The following DNAJC3 variants were observed in gnomAD, a reference collection of about 807,000 sequenced individuals.
DNAJC3 encodes DnaJ heat shock protein family (Hsp40) member C3, also known as dnaJ homolog subfamily C member 3.
A neutral mutation model predicts 68.6 loss-of-function variants in DNAJC3; 38 were observed. The ratio of observed to expected loss-of-function variants is 0.55; its 90% CI spans 0.43 to 0.73. DNAJC3 has a LOEUF of 0.73. DNAJC3 is among the 30% of genes least tolerant of loss of function. The pLI is 0.00. For missense variants in DNAJC3, 526 were observed against 591.9 expected, an observed-to-expected ratio of 0.89 and a Z score of 1.16; for synonymous variants, 203 against 204.0, an observed-to-expected ratio of 1.00 and a Z score of 0.04.
intron 4 of DNAJC3, among the ~76,000 whole-genome samples, chr13:95,732,564 GT>G (rs56678842): frequency 0.6 from 91,277 of 151,660 alleles, 28,595 homozygotes; most frequent in African/African-American, 0.79. Context: ...GCCTTTTCTC[GT>G]TTTTTTCTTG....
chr13:95,697,638 A>C (rs1481552514), intron 1 of DNAJC3, among the ~76,000 whole-genome samples: 1 of 151,850 alleles, frequency 6.6e-6, no homozygotes. Flanking sequence ...CTTTTCCTTC[A>C]CAATGCCTGT....
chr13:95,696,418 T>A (rs1027681649), intron 1 of DNAJC3, among the ~76,000 whole-genome samples: 6 of 152,216 alleles, frequency 3.9e-5, no homozygotes, highest in Admixed American at 3.9e-4. Context: ...AAACTAAGAT[T>A]GCCCACACAT....
At chr13:95,717,969 GT>G (rs1233929297) in intron 2 of DNAJC3, among the ~76,000 whole-genome samples, 3 of 152,236 alleles carry the variant, frequency 2.0e-5, no homozygotes, top group Admixed American at 1.3e-4. Context: ...TTTCTGATGT[GT>G]TTTCTCCAGA....
At chr13:95,754,543 T>TA (rs201728540) in intron 4 of DNAJC3, among the ~76,000 whole-genome samples, 72 of 147,718 alleles carry the variant, frequency 4.9e-4, no homozygotes, top group African/African-American at 6.4e-4. Context: ...GATTTAAATG[T>TA]AAAAAAAAAA....
At chr13:95,707,932 G>A (rs1460357530) in intron 1 of DNAJC3, among the ~76,000 whole-genome samples, 2 of 152,168 alleles carry the variant, frequency 1.3e-5, no homozygotes, top group African/African-American at 4.8e-5. Context: ...TTCATGTATA[G>A]GTGAGCGAAG....
At chr13:95,700,716 T>A (rs191139910) in intron 1 of DNAJC3, among the ~76,000 whole-genome samples, 2 of 152,336 alleles carry the variant, frequency 1.3e-5, no homozygotes, top group African/African-American at 4.8e-5. Flanking sequence ...GGACTCCTGC[T>A]TTTTCTGTAC....
At position 95,727,540 on chromosome 13, in the gene DNAJC3, G is replaced by A. The variant is rs79678838; in HGVS notation, c.393+2288G>A. Among the ~76,000 whole-genome samples, 175 of 152,158 alleles carry A rather than the reference G, an allele frequency of 1.2e-3. 3 individuals are homozygous for A. In the East Asian group the frequency reaches 0.028, roughly 25 times the overall value. The stretch of plus-strand genomic sequence containing the variant: ...CTTTAATAATCTTTTAGTTTTAATT[G>A]AACTTTTTACTGAGATAATTGTAGA... On this transcript the variant is annotated intron_variant, in intron 4 of 11. Transcript: ENST00000602402.
chr13:95,691,046 G>T (rs1389138479), intron 1 of DNAJC3, among the ~76,000 whole-genome samples: 3 of 143,062 alleles, frequency 2.1e-5, no homozygotes, highest in African/African-American at 7.9e-5. Context: ...CCTGGATGGA[G>T]CGGCTGGCCG....
In DNAJC3 at chr13:95,701,090, T is replaced by A. The variant is rs1410840577; in HGVS notation, c.83-8137T>A. Among the ~76,000 whole-genome samples, 5 of 152,194 alleles carry A rather than the reference T, an allele frequency of 3.3e-5. No homozygotes were observed. The East Asian group carries it at 9.6e-4, about 29-fold the overall frequency. On this transcript the variant is annotated intron_variant, in intron 1 of 11. Coordinates refer to ENST00000602402, the MANE Select transcript of DNAJC3 (RefSeq NM_006260.5). The stretch of plus-strand genomic sequence containing the variant: ...TCGACAAAGGTAGCATCCTTCCTAC[T>A]TTTCCTTCAGGTTTCAGGTGAGCCT...
chr13:95,753,594 C>T (rs1882555636), intron 4 of DNAJC3, among the ~76,000 whole-genome samples: 1 of 152,002 alleles, frequency 6.6e-6, no homozygotes, highest in Non-Finnish European at 1.5e-5. Flanking sequence ...ATATTTTATG[C>T]CAAAGTCTAA....
intron 1 of DNAJC3, among the ~76,000 whole-genome samples, chr13:95,697,905 A>G (rs1249334363): frequency 6.6e-6 from 1 of 150,676 alleles, no homozygotes; most frequent in South Asian, 2.1e-4. Context: ...GCTTCTTTAC[A>G]ATTCCCACTT....
chr13:95,772,359 G>A (rs575031244), intron 9 of DNAJC3, among the ~76,000 whole-genome samples: 26 of 152,138 alleles, frequency 1.7e-4, no homozygotes, highest in African/African-American at 6.3e-4. Flanking sequence ...TATTCTAACG[G>A]GCTTTTTTTT....
intron 4 of DNAJC3, among the ~76,000 whole-genome samples, chr13:95,751,300 C>T (rs1366458298): frequency 1.3e-5 from 2 of 152,162 alleles, no homozygotes; most frequent in African/African-American, 4.8e-5. Context: ...GGAAATAAGT[C>T]CTAAACATGT....
At chr13:95,752,321 A>AT (rs1882504671) in intron 4 of DNAJC3, among the ~76,000 whole-genome samples, 2 of 152,330 alleles carry the variant, frequency 1.3e-5, no homozygotes, top group South Asian at 2.1e-4. Flanking sequence ...ATGTTAATGT[A>AT]TTTTTTGTGT....
intron 7 of DNAJC3, 41 bp from the exon 8 acceptor site, chr13:95,763,602 C>A: frequency 6.3e-7 from 1 of 1,588,482 alleles, no homozygotes; most frequent in South Asian, 1.1e-5. Context: ...CTCTGGAAAT[C>A]AAATGTCATC....
At position 95,791,428 on chromosome 13, in the gene DNAJC3, G is replaced by A. The variant is rs1883770751; in HGVS notation, c.*398G>A. ...AGGAGCTGTAATCTTCATGAGGATGGTTATACTTCAGTATTCTTAAAGAGA... is the reference window on the plus strand; with the variant it reads ...AGGAGCTGTAATCTTCATGAGGATGATTATACTTCAGTATTCTTAAAGAGA... On this transcript the variant is annotated 3_prime_UTR_variant, in exon 12 of 12. Transcript: ENST00000602402. 4.6e-6 allele frequency: 1 copy of A among 215,818 alleles called. No individual in the cohort carries two copies. The highest frequency in any genetic ancestry group is 9.3e-6 in the Non-Finnish European group (1 of 108,000). The allele number at this position is 215,818 out of a possible 1,614,324, so 13.4% of individuals were successfully genotyped here. A position where few individuals can be genotyped will look rare whatever the true frequency, so the allele number is the denominator to read the frequency against.
In DNAJC3 at chr13:95,773,598, C is replaced by T. The variant is rs1214477631; in HGVS notation, c.1075+9645C>T. Among the ~76,000 whole-genome samples the T allele has an allele frequency of 2.6e-5, 4 of 152,034 alleles. No individual in the cohort carries two copies. In the South Asian group the frequency reaches 8.3e-4, roughly 32 times the overall value. On this transcript the variant is annotated intron_variant, in intron 9 of 11. Transcript: ENST00000602402. ...TTGCTGAATTTGTTGGCATGAAGTT[C>T]ATAATATTATCTTATTATTTAATGT...
At chr13:95,735,859 C>T (rs1881897316) in intron 4 of DNAJC3, among the ~76,000 whole-genome samples, 1 of 152,164 alleles carries the variant, frequency 6.6e-6, no homozygotes, top group African/African-American at 2.4e-5. Context: ...TCTTTTGTTG[C>T]CATTCCTTTT....
intron 1 of DNAJC3, among the ~76,000 whole-genome samples, chr13:95,686,578 T>C (rs2139600004): frequency 6.6e-6 from 1 of 152,240 alleles, no homozygotes; most frequent in East Asian, 1.9e-4. Context: ...AGATCCAGTT[T>C]CTTCTGCATA....
Sources: allele counts gnomAD v4.1 joint callset (sites outside exome capture counted in the v4.1 genomes callset), GRCh38; gene constraint gnomAD v4.1.1; transcripts MANE v1.5; gene names NCBI Gene and HGNC (gene_info 2026-07-23, HGNC 2026-07-21).